HCFC1: variants seen among roughly 807,000 people sequenced by gnomAD.
The protein encoded by HCFC1 is host cell factor C1, also known as host cell factor 1.
Under a neutral mutation model 105.5 loss-of-function variants are expected in HCFC1, and 7 were observed. The ratio of observed to expected loss-of-function variants is 0.07; its 90% CI spans 0.04 to 0.12. The LOEUF is 0.12. HCFC1 is among the 10% of genes least tolerant of loss of function. HCFC1 has a pLI of 1.00. For missense variants in HCFC1, 1,065 were observed against 1,823.6 expected, an observed-to-expected ratio of 0.58 and a Z score of 7.58; for synonymous variants, 918 against 828.1, an observed-to-expected ratio of 1.11 and a Z score of -1.86.
At position 153,957,770 on chromosome X, in the gene HCFC1, C is replaced by CT. The variant is rs782157171; in HGVS notation, c.2133+11dup. The CT allele has an allele frequency of 1.2e-5, 14 of 1,173,912 alleles. No individual in the cohort carries two copies. The highest frequency in any genetic ancestry group is 4.7e-4 in the Middle Eastern group (2 of 4,230). On this transcript the variant is annotated intron_variant, in intron 12 of 25. Coordinates refer to ENST00000310441, the MANE Select transcript of HCFC1 (RefSeq NM_005334.3). The stretch of plus-strand genomic sequence containing the variant: ...CCCCACTCTTGCGTATGTGCAAAGA[C>CT]TGAGAGCTCACCTGGATGATCTGAG...
At chrX:153,953,963 G>A in intron 17 of HCFC1, 103 bp downstream of exon 17, 5 of 1,003,804 alleles carry the variant, frequency 5.0e-6, no homozygotes, top group Non-Finnish European at 6.8e-6. Context: ...GTGCCAAGGA[G>A]CCTGACTGGT....
intron 15 of HCFC1, 45 bp downstream of exon 15, chrX:153,956,580 G>A (rs371907640): frequency 2.3e-4 from 279 of 1,202,293 alleles, no homozygotes; most frequent in Non-Finnish European, 2.8e-4. Flanking sequence ...GCCCTGCTTC[G>A]TTATAATCTA....
chrX:153,952,146 G>A lies in HCFC1; in HGVS notation c.4955C>T (p.Pro1652Leu), dbSNP rs782660830. The change falls in exon 20 of 26, where the codon CCC becomes CTC. Residue 1652 changes from proline to leucine, a missense_variant. Pro to Leu is a moderately conservative substitution (Grantham distance 98). This residue lies in a region of HCFC1 where 115 missense variants were observed against 143.7 expected (regional missense o/e 0.80). Transcript: ENST00000310441. ...TGCTGCTGCCTCGGAGGTGTCCATG[G>A]GCTCGCCGGTGCCTGCTCCAGGGTC... The part of the protein sequence containing the change: ...AQQAVMGTGE[P>L]MDTSEAAATV... 1.8e-6 allele frequency: 2 copies of A among 1,114,516 alleles called. No homozygotes were observed. The highest frequency in any genetic ancestry group is 3.6e-5 in the African/African-American group (2 of 55,142). The allele number at this position is 1,114,516 out of a possible 1,213,427, so 91.8% of individuals were successfully genotyped here. A position where few individuals can be genotyped will look rare whatever the true frequency, so the allele number is the denominator to read the frequency against.
rs1557113601 is a variant in HCFC1, at chrX:153,954,249, G to A, written c.4150C>T (p.His1384Tyr). Residue 1384 changes from histidine (H) to tyrosine (Y), a missense_variant, in exon 17 of 26, where the codon CAC becomes TAC. His to Tyr is a moderately conservative substitution (Grantham distance 83). This residue lies in a region of HCFC1 where 546 missense variants were observed against 599.9 expected (regional missense o/e 0.91). Transcript: ENST00000310441. ...TCTAGGCCAGACTCCACGGTCCTGTGGGAAGAAGTGGCGTCGGGAAGCAGG... is the reference window on the plus strand; with the variant it reads ...TCTAGGCCAGACTCCACGGTCCTGTAGGAAGAAGTGGCGTCGGGAAGCAGG... ...GALLPDATSS[H>Y]RTVESGLEVA... The A allele has an allele frequency of 1.7e-5, 20 of 1,206,111 alleles. No individual in the cohort carries two copies. The highest frequency in any genetic ancestry group is 2.2e-5 in the Non-Finnish European group (20 of 891,845).
At position 153,958,073 on chromosome X, in the gene HCFC1, G is replaced by A. The variant is rs370251100; in HGVS notation, c.1980C>T (p.Thr660=). 2.0e-5 allele frequency: 24 copies of A among 1,210,524 alleles called. No homozygotes were observed. Among genetic ancestry groups the A allele is most frequent in the Non-Finnish European group, 2.5e-5 (22 of 895,106 alleles). The change falls in exon 11 of 26, where the codon ACC becomes ACT. Residue 660 remains threonine, a synonymous_variant. Coordinates refer to ENST00000310441, the MANE Select transcript of HCFC1 (RefSeq NM_005334.3). Reference sequence around the variant, plus strand: ...AGATGGGGCTCTTCACCAGGGTGATGGTCTTGGTGACCCCGCCCACAACTG... The same window carrying A: ...AGATGGGGCTCTTCACCAGGGTGATAGTCTTGGTGACCCCGCCCACAACTG... ...VTTVVGGVTK[T]ITLVKSPISV...
chrX:153,957,632 T>C, intron 12 of HCFC1, 99 bp from the exon 13 acceptor site: 2 of 814,224 alleles, frequency 2.5e-6, no homozygotes, highest in Non-Finnish European at 3.6e-6. Flanking sequence ...TCAGGGAATG[T>C]TCTGGAGGCT....
chrX:153,952,882 G>A lies in HCFC1; in HGVS notation c.4574C>T (p.Thr1525Ile), dbSNP rs782370174. 8.5e-6 allele frequency: 10 copies of A among 1,181,803 alleles called. No individual in the cohort carries two copies. The highest frequency in any genetic ancestry group is 1.8e-5 in the African/African-American group (1 of 56,863). ...PPRQLLQSAS[T>I]ALMGESAEVL... is the part of the protein sequence containing the mutation. ...CTCGGCGGACTCCCCCATCAGGGCT[G>A]TGGAAGCCGACTGCAGAAGCTGCCG... The change falls in exon 19 of 26, where the codon ACA becomes ATA. Residue 1525 changes from threonine to isoleucine, a missense_variant. Thr to Ile is a moderately conservative substitution (Grantham distance 89). Around this residue, in one of 17 missense-constraint regions of HCFC1, gnomAD observed 546 missense variants for 599.9 expected, o/e 0.91. Coordinates refer to ENST00000310441, the MANE Select transcript of HCFC1 (RefSeq NM_005334.3).
Position 153,953,777 on chromosome X carries a change from G to GGGCGACAGGCA in HCFC1, c.4334-18_4334-8dup. 8.3e-7 allele frequency: 1 copy of GGGCGACAGGCA among 1,199,727 alleles called. No homozygotes were observed. The highest frequency in any genetic ancestry group is 1.8e-5 in the South Asian group (1 of 55,844). ...CTGGCAGCAGGTGGGGGGTCTGTGG[G>GGGCGACAGGCA]GGCGACAGGCAGGCGGCTGCTCAGC... On this transcript the variant is annotated splice_polypyrimidine_tract_variant and splice_region_variant and intron_variant, in intron 17 of 25. Transcript: ENST00000310441.
intron 3 of HCFC1, 65 bp from the exon 4 acceptor site, chrX:153,963,498 T>TATC: frequency 1.3e-6 from 1 of 780,986 alleles, no homozygotes. Context: ...GCTGGATGGC[T>TATC]ATCAGTGAGT....
chrX:153,966,600 G>C (rs1557118445), intron 1 of HCFC1, among the ~76,000 whole-genome samples: 2 of 112,611 alleles, frequency 1.8e-5, no homozygotes, highest in African/African-American at 3.2e-5. Flanking sequence ...CAAGCTACCA[G>C]GGTAAACGCA....
At chrX:153,962,788 C>T (rs1557117341) in intron 4 of HCFC1, among the ~76,000 whole-genome samples, 2 of 111,481 alleles carry the variant, frequency 1.8e-5, no homozygotes, top group African/African-American at 6.5e-5. Context: ...CTTTCCCAGC[C>T]ACTCCTGATA....
rs2065387435 is a variant in HCFC1, at chrX:153,957,309, C to T, written c.2353+5G>A. The stretch of plus-strand genomic sequence containing the variant: ...AGACACTCATATGTCGGGGGAGGCC[C>T]CTACCCGTGGCGCCCGCCTGGGTGA... On this transcript the variant is annotated splice_donor_5th_base_variant and intron_variant, in intron 13 of 25. Coordinates refer to ENST00000310441, the MANE Select transcript of HCFC1 (RefSeq NM_005334.3). 2 of 1,185,088 alleles carry T rather than the reference C, an allele frequency of 1.7e-6. No homozygotes were observed. Among genetic ancestry groups the T allele is most frequent in the Admixed American group, 4.5e-5 (2 of 44,546 alleles).
chrX:153,956,514 G>A lies in HCFC1; in HGVS notation c.2636-103C>T, dbSNP rs782353902. 9 of 1,111,821 alleles carry A rather than the reference G, an allele frequency of 8.1e-6. No individual in the cohort carries two copies. The East Asian group carries it at 2.4e-4, about 30-fold the overall frequency. 91.6% of individuals were successfully genotyped at this position (1,111,821 alleles called of 1,213,427 possible). A position where few individuals can be genotyped will look rare whatever the true frequency, so the allele number is the denominator to read the frequency against. On this transcript the variant is annotated intron_variant, in intron 15 of 25. Transcript: ENST00000310441. ...CACTCTGGAGCTGCTTGCATAGAAG[G>A]CTCGGGAGAGAGGAGCTGCTGTGCC...
At chrX:153,964,088 A>T in intron 3 of HCFC1, 36 bp downstream of exon 3, 1 of 1,161,621 alleles carries the variant, frequency 8.6e-7, no homozygotes, top group Non-Finnish European at 1.2e-6. Context: ...GAGCACACCC[A>T]CCCGGGGGGT....
chrX:153,955,766 T>C (rs1369402674), intron 16 of HCFC1, among the ~76,000 whole-genome samples: 1 of 112,575 alleles, frequency 8.9e-6, no homozygotes, highest in Non-Finnish European at 1.9e-5. Context: ...AGGAAGAGGC[T>C]GTGAGGACAG....
At chrX:153,951,252 G>C in intron 22 of HCFC1, 98 bp downstream of exon 22, 3 of 1,001,775 alleles carry the variant, frequency 3.0e-6, no homozygotes, top group Non-Finnish European at 4.2e-6. Flanking sequence ...TGGCTACTCA[G>C]CTTGGCCCAA....
intron 1 of HCFC1, among the ~76,000 whole-genome samples, chrX:153,968,933 G>A (rs189920347): frequency 0.065 from 7,187 of 111,266 alleles, 572 homozygotes; most frequent in African/African-American, 0.23. Flanking sequence ...CTGGGCTGGC[G>A]CGGGGCACCA....
At position 153,951,650 on chromosome X, in the gene HCFC1, G is replaced by A. The variant is rs1463949272; in HGVS notation, c.5318C>T (p.Ala1773Val). The change falls in exon 21 of 26, where the codon GCC becomes GTC. Residue 1773 changes from alanine (A) to valine (V), a missense_variant. Coordinates refer to ENST00000310441, the MANE Select transcript of HCFC1 (RefSeq NM_005334.3). ...APQPVVVASP[A>V]KLQAAATLTE... is the part of the protein sequence containing the mutation. The stretch of plus-strand genomic sequence containing the variant: ...CAGGGTAGCTGCAGCCTGCAGCTTG[G>A]CTGGGCTGGCCACCACAACCGGCTG... The A allele has an allele frequency of 1.7e-6, 2 of 1,211,115 alleles. No individual in the cohort carries two copies. Among genetic ancestry groups the A allele is most frequent in the Non-Finnish European group, 2.2e-6 (2 of 895,355 alleles).
Position 153,952,564 on chromosome X carries a change from T to C in HCFC1, c.4892A>G (p.Gln1631Arg). ...GAGCACCGCCTGGATGGCCAGGGCC[T>C]GGGCTTCCTCCGTGGCTGCGGCCTG... Reference protein sequence around the residue: ...AAQAAATEEAQALAIQAVLQA... With the variant: ...AAQAAATEEARALAIQAVLQA... Residue 1631 changes from glutamine (Q) to arginine (R), a missense_variant, in exon 19 of 26, where the codon CAG becomes CGG. Transcript: ENST00000310441. The C allele has an allele frequency of 8.4e-7, 1 of 1,195,164 alleles. No homozygotes were observed.
Sources: allele counts gnomAD v4.1 joint callset (sites outside exome capture counted in the v4.1 genomes callset), GRCh38; gene constraint gnomAD v4.1.1; regional missense constraint gnomAD v4.1.1; transcripts MANE v1.5; gene names NCBI Gene and HGNC (gene_info 2026-07-23, HGNC 2026-07-21).